The following CCDC102B variants were observed in gnomAD, a reference collection of about 807,000 sequenced individuals.
The protein encoded by CCDC102B is coiled-coil domain containing 102B.
A neutral mutation model predicts 57.4 loss-of-function variants in CCDC102B; 75 were observed. The ratio of observed to expected loss-of-function variants is 1.31; its 90% CI spans 1.08 to 1.58. The LOEUF is 1.58. CCDC102B is among the 40% of genes most tolerant of loss of function. The pLI, the probability that CCDC102B is intolerant of heterozygous loss-of-function variation, is 0.00. For missense variants in CCDC102B, 636 were observed against 582.6 expected (o/e 1.09, Z -0.94); for synonymous variants, 206 against 201.9 (o/e 1.02, Z -0.17).
At chr18:68,910,205 A>G (rs1307264920) in intron 6 of CCDC102B, among the ~76,000 whole-genome samples, 6 of 152,174 alleles carry the variant, frequency 3.9e-5, no homozygotes. Flanking sequence ...AGGCATGAGA[A>G]TCCTTTCAAT....
chr18:68,810,128 T>G (rs558465260), intron 1 of CCDC102B, among the ~76,000 whole-genome samples: 24 of 152,332 alleles, frequency 1.6e-4, no homozygotes, highest in African/African-American at 5.8e-4. Flanking sequence ...AGTGTTAATC[T>G]TTAAATAGAG....
intron 4 of CCDC102B, among the ~76,000 whole-genome samples, chr18:68,874,170 ATGTGTGTGTGTG>A (rs34176363): frequency 8.7e-5 from 12 of 138,330 alleles, no homozygotes; most frequent in South Asian, 4.8e-4. Context: ...GTGTGTGTGT[ATGTGTGTGTGTG>A]TGTGTGTGTG....
chr18:68,890,134 A>G (rs2040023288), intron 5 of CCDC102B, among the ~76,000 whole-genome samples: 1 of 151,806 alleles, frequency 6.6e-6, no homozygotes, highest in Non-Finnish European at 1.5e-5. Context: ...ATTTACATTT[A>G]CCATTAAATG....
intron 6 of CCDC102B, among the ~76,000 whole-genome samples, chr18:68,901,917 C>T (rs535814771): frequency 1.3e-5 from 2 of 152,206 alleles, no homozygotes; most frequent in South Asian, 2.1e-4. Context: ...TTCCTACTGT[C>T]GATGTAAGAT....
chr18:68,934,032 T>C (rs1668756473), intron 6 of CCDC102B, among the ~76,000 whole-genome samples: 1 of 151,954 alleles, frequency 6.6e-6, no homozygotes, highest in East Asian at 1.9e-4. Context: ...CTTTCACCTA[T>C]GAAGAATTAT....
At chr18:68,890,374 C>T (rs2040031383) in intron 5 of CCDC102B, among the ~76,000 whole-genome samples, 1 of 151,928 alleles carries the variant, frequency 6.6e-6, no homozygotes, top group African/African-American at 2.4e-5. Flanking sequence ...TAACTGAGAC[C>T]AAAGGCACAT....
chr18:68,968,413 A>G (rs1426118118), intron 6 of CCDC102B, among the ~76,000 whole-genome samples: 2 of 152,202 alleles, frequency 1.3e-5, no homozygotes, highest in Admixed American at 1.3e-4. Flanking sequence ...AACATTACAA[A>G]GAAATCCCAG....
At chr18:68,742,902 T>G (rs73967602) in intron 2 of CCDC102B, among the ~76,000 whole-genome samples, 13,975 of 152,210 alleles carry the variant, frequency 0.092, 913 homozygotes, top group African/African-American at 0.18. Flanking sequence ...GCTCTAGCTG[T>G]ATTTCTGGGG....
chr18:68,765,367 A>AAGAAAG (rs1407250837), intron 2 of CCDC102B, among the ~76,000 whole-genome samples: 16 of 147,626 alleles, frequency 1.1e-4, no homozygotes, highest in Non-Finnish European at 1.9e-4. Flanking sequence ...GAAAGAAAGA[A>AAGAAAG]AGAAAGAAAG....
intron 4 of CCDC102B, among the ~76,000 whole-genome samples, chr18:68,857,721 C>T (rs558372649): frequency 6.6e-6 from 1 of 151,998 alleles, no homozygotes; most frequent in South Asian, 2.1e-4. Flanking sequence ...TTTTCTTACT[C>T]AACATCTCAT....
intron 7 of CCDC102B, among the ~76,000 whole-genome samples, chr18:69,044,575 T>C (rs909006489): frequency 2.6e-5 from 4 of 152,178 alleles, no homozygotes; most frequent in African/African-American, 9.6e-5. Context: ...GGACCATTAT[T>C]TCTATGTTTT....
intron 6 of CCDC102B, among the ~76,000 whole-genome samples, chr18:68,951,964 A>G (rs1324735304): frequency 1.3e-5 from 2 of 152,158 alleles, no homozygotes; most frequent in Non-Finnish European, 2.9e-5. Flanking sequence ...CCTTTCCATT[A>G]GTATCCATAC....
intron 6 of CCDC102B, chr18:68,900,242 A>G (rs991769075): frequency 1.3e-5 from 2 of 152,168 alleles, no homozygotes; most frequent in East Asian, 1.9e-4. Context: ...TGAAGTCTGC[A>G]TTATAAATGA....
intron 1 of CCDC102B, among the ~76,000 whole-genome samples, chr18:68,833,807 T>C (rs1204929834): frequency 6.6e-6 from 1 of 152,186 alleles, no homozygotes; most frequent in Non-Finnish European, 1.5e-5. Context: ...TATTTGGTTA[T>C]GTACTACATT....
chr18:68,957,371 T>C (rs1355872950), intron 6 of CCDC102B, among the ~76,000 whole-genome samples: 1 of 152,124 alleles, frequency 6.6e-6, no homozygotes, highest in African/African-American at 2.4e-5. Context: ...AAAGAGACTG[T>C]CCTTTCCCCA....
intron 2 of CCDC102B, among the ~76,000 whole-genome samples, chr18:68,733,294 A>G (rs1713526437): frequency 6.6e-6 from 1 of 152,066 alleles, no homozygotes; most frequent in South Asian, 2.1e-4. Flanking sequence ...TTAAAACATT[A>G]AAGAACAGGG....
chr18:68,943,939 G>A (rs2049459729), intron 6 of CCDC102B, among the ~76,000 whole-genome samples: 1 of 152,130 alleles, frequency 6.6e-6, no homozygotes. Context: ...TTACAAAAAA[G>A]CAAGGGAACC....
At chr18:68,946,270 A>C (rs1186124567) in intron 6 of CCDC102B, among the ~76,000 whole-genome samples, 1 of 152,004 alleles carries the variant, frequency 6.6e-6, no homozygotes, top group African/African-American at 2.4e-5. Context: ...TCTGTTTTTT[A>C]CTTAGCAACA....
intron 7 of CCDC102B, among the ~76,000 whole-genome samples, chr18:69,022,222 T>TATATATATATAA (rs1395799223): frequency 3.4e-3 from 325 of 94,954 alleles, no homozygotes; most frequent in Middle Eastern, 5.9e-3. Flanking sequence ...TATATATATA[T>TATATATATATAA]AACACACACA....
Sources: gnomAD v4.1 joint callset for allele counts (sites outside exome capture counted in the v4.1 genomes callset) on GRCh38, gnomAD v4.1.1 for gene constraint, MANE v1.5 for transcripts, NCBI Gene and HGNC (gene_info 2026-07-23, HGNC 2026-07-21) for gene names.